Variants in SLC4A5 observed in about 807,000 individuals in gnomAD.
SLC4A5 encodes electrogenic sodium bicarbonate cotransporter 4.
Under a neutral mutation model 120.4 loss-of-function variants are expected in SLC4A5, and 96 were observed. The ratio of observed to expected loss-of-function variants is 0.80; its 90% CI spans 0.68 to 0.94. The LOEUF (loss-of-function observed/expected upper bound fraction) is 0.94. SLC4A5 is among the 40% of genes least tolerant of loss of function. The pLI is 0.00. For missense variants in SLC4A5, 1,259 were observed against 1,459.5 expected, an observed-to-expected ratio of 0.86 and a Z score of 2.24; for synonymous variants, 550 against 571.1, an observed-to-expected ratio of 0.96 and a Z score of 0.53.
intron 11 of SLC4A5, 28 bp from the exon 12 acceptor site, chr2:74,259,671 C>T: frequency 1.2e-6 from 2 of 1,612,500 alleles, no homozygotes; most frequent in East Asian, 2.2e-5. Flanking sequence ...GAAGATCCAT[C>T]AGGGGAAGCC....
chr2:74,221,456 T>C (rs758676189), exon 30 of SLC4A5: 2 of 1,613,798 alleles, frequency 1.2e-6, no homozygotes, highest in South Asian at 2.2e-5. Context: ...TCTGTGTCAC[T>C]GAAGGAAGAA....
chr2:74,271,385 TTCATGTCTCAG>T (rs1671470329), intron 8 of SLC4A5, among the ~76,000 whole-genome samples: 1 of 152,144 alleles, frequency 6.6e-6, no homozygotes, highest in Non-Finnish European at 1.5e-5. Flanking sequence ...CTTTAAAATC[TTCATGTCTCAG>T]TCATATCCTA....
intron 5 of SLC4A5, among the ~76,000 whole-genome samples, chr2:74,324,480 G>C (rs772168399): frequency 5.3e-5 from 8 of 152,194 alleles, no homozygotes; most frequent in Non-Finnish European, 5.9e-5. Context: ...CATAGCTCTA[G>C]GTTGGGGCCT....
intron 7 of SLC4A5, among the ~76,000 whole-genome samples, chr2:74,303,718 C>T (rs1025777275): frequency 1.1e-4 from 17 of 152,180 alleles, no homozygotes; most frequent in Admixed American, 4.6e-4. Flanking sequence ...TGCAAGCTAC[C>T]GTGCAGGGTG....
intron 7 of SLC4A5, among the ~76,000 whole-genome samples, chr2:74,297,431 T>C (rs78990635): frequency 0.12 from 18,744 of 152,178 alleles, 1,549 homozygotes; most frequent in East Asian, 0.47. Flanking sequence ...CTGGGCAGAC[T>C]GAAACAATTG....
intron 5 of SLC4A5, among the ~76,000 whole-genome samples, chr2:74,317,878 ATGGCAGCTGTT>A (rs1673005222): frequency 1.3e-5 from 2 of 152,198 alleles, no homozygotes; most frequent in Admixed American, 6.5e-5. Context: ...GCCTGGCCAC[ATGGCAGCTGTT>A]TGGCAGCTCC....
intron 27 of SLC4A5, 31 bp from the exon 28 acceptor site, chr2:74,225,026 G>A: frequency 6.3e-7 from 1 of 1,592,028 alleles, no homozygotes; most frequent in Non-Finnish European, 8.5e-7. Flanking sequence ...AGTTTTGTGA[G>A]AATTTGGAGA....
intron 2 of SLC4A5, among the ~76,000 whole-genome samples, chr2:74,340,155 G>A (rs1352672762): frequency 6.6e-6 from 1 of 152,164 alleles, no homozygotes; most frequent in East Asian, 1.9e-4. Context: ...TATAATTAAT[G>A]CCACTGAATT....
At chr2:74,307,342 C>G in intron 6 of SLC4A5, 1 of 584,080 alleles carries the variant, frequency 1.7e-6, no homozygotes, top group Non-Finnish European at 3.2e-6. Flanking sequence ...GTAATCTGGG[C>G]TTGTAGGTCT....
chr2:74,302,230 C>T (rs903891023), intron 7 of SLC4A5, among the ~76,000 whole-genome samples: 1 of 152,190 alleles, frequency 6.6e-6, no homozygotes, highest in Non-Finnish European at 1.5e-5. Flanking sequence ...CCCTTTCCTA[C>T]TCCACAGCCC....
At chr2:74,327,184 AG>A (rs980792806) in intron 5 of SLC4A5, among the ~76,000 whole-genome samples, 1 of 152,214 alleles carries the variant, frequency 6.6e-6, no homozygotes, top group Non-Finnish European at 1.5e-5. Context: ...CTGGGAAAAA[AG>A]GTAACTAGTA....
chr2:74,314,191 A>G (rs1287377394), intron 6 of SLC4A5, among the ~76,000 whole-genome samples: 2 of 152,154 alleles, frequency 1.3e-5, no homozygotes, highest in East Asian at 1.9e-4. Context: ...CATAATCAAA[A>G]GAGCATGGTG....
At chr2:74,230,443 A>G (rs974639096) in intron 25 of SLC4A5, among the ~76,000 whole-genome samples, 1 of 152,008 alleles carries the variant, frequency 6.6e-6, no homozygotes, top group Non-Finnish European at 1.5e-5. Context: ...TGTGTGGGAA[A>G]AAGTCACTCG....
exon 16 of SLC4A5, chr2:74,252,367 T>C: frequency 6.2e-7 from 1 of 1,613,522 alleles, no homozygotes; most frequent in Non-Finnish European, 8.5e-7. Flanking sequence ...GGCCCAGCTC[T>C]GCTAGGGAGA....
Position 74,255,694 on chromosome 2 carries a change from C to T in SLC4A5, c.1025+81G>A. 2.6e-6 allele frequency: 4 copies of T among 1,530,422 alleles called. No homozygotes were observed. The South Asian group carries it at 3.6e-5, about 14-fold the overall frequency. 94.8% of individuals were successfully genotyped at this position (1,530,422 alleles called of 1,614,324 possible). A position where few individuals can be genotyped will look rare whatever the true frequency, so the allele number is the denominator to read the frequency against. ...TTAGAGGTGCCTTTGAGAACACTAACAGTCAACAGCACTGCTTGCTGACTG... is the reference window on the plus strand; with the variant it reads ...TTAGAGGTGCCTTTGAGAACACTAATAGTCAACAGCACTGCTTGCTGACTG... On this transcript the variant is annotated intron_variant, in intron 13 of 30. Transcript: ENST00000394019. The surrounding 1 kb of genome is among the most constrained non-coding windows in gnomAD (Gnocchi z 4.0).
chr2:74,217,275 C>T (rs993090392), exon 31 of SLC4A5: 5 of 152,148 alleles, frequency 3.3e-5, no homozygotes, highest in African/African-American at 1.2e-4. Flanking sequence ...GTCAGATGCA[C>T]TGTGGCTGTC....
At chr2:74,340,180 A>C (rs1366096827) in intron 2 of SLC4A5, among the ~76,000 whole-genome samples, 1 of 152,258 alleles carries the variant, frequency 6.6e-6, no homozygotes, top group Non-Finnish European at 1.5e-5. Context: ...ATTCAAAAAT[A>C]GTTAAAATGG....
intron 19 of SLC4A5, among the ~76,000 whole-genome samples, chr2:74,242,699 C>A (rs1261086301): frequency 2.0e-5 from 3 of 152,172 alleles, no homozygotes; most frequent in Non-Finnish European, 4.4e-5. Flanking sequence ...TTTGCCCAGG[C>A]TGGAGTGCAG....
At chr2:74,220,517 C>T (rs1694590797) in intron 30 of SLC4A5, among the ~76,000 whole-genome samples, 2 of 151,388 alleles carry the variant, frequency 1.3e-5, no homozygotes, top group South Asian at 2.1e-4. Context: ...TTTCTGTTTT[C>T]TTTTTTTTTC....
Sources: gnomAD v4.1 joint callset for allele counts (sites outside exome capture counted in the v4.1 genomes callset) on GRCh38, gnomAD v4.1.1 for gene constraint, Gnocchi (gnomAD v3.1) non-coding constraint, MANE v1.5 for transcripts, NCBI Gene and HGNC (gene_info 2026-07-23, HGNC 2026-07-21) for gene names.